Variants in PDE11A observed in about 807,000 individuals in gnomAD.
PDE11A encodes the protein dual 3',5'-cyclic-AMP and -GMP phosphodiesterase 11A.
PDE11A carries 100 observed loss-of-function variants against 100.5 expected under a neutral mutation model. The observed-to-expected ratio is 1.00, with a 90% CI of 0.85 to 1.18. PDE11A has a LOEUF of 1.18. Among genes scored for constraint, PDE11A ranks in the 50% most tolerant of loss-of-function variants. The pLI, the probability that PDE11A is intolerant of heterozygous loss-of-function variation, is 0.00. For missense variants in PDE11A, 1,141 were observed against 1,152.6 expected (o/e 0.99, Z 0.15); for synonymous variants, 381 against 420.8 (o/e 0.91, Z 1.16).
At chr2:178,026,132 G>A (rs2086475095) in intron 1 of PDE11A, among the ~76,000 whole-genome samples, 1 of 152,266 alleles carries the variant, frequency 6.6e-6, no homozygotes, top group South Asian at 2.1e-4. Context: ...CTCCAACAGA[G>A]AGCTTTGGAA....
At chr2:178,060,617 G>C (rs1343585702) in intron 1 of PDE11A, among the ~76,000 whole-genome samples, 1 of 152,140 alleles carries the variant, frequency 6.6e-6, no homozygotes, top group South Asian at 2.1e-4. Flanking sequence ...ACTGGGAATC[G>C]AATTCGGTCT....
rs10497492 is a variant in PDE11A at position 177,646,640 on chromosome 2, A to T, written c.2647-17078T>A. 6.7e-3 allele frequency among the ~76,000 whole-genome samples: 1,016 copies of T among 152,342 alleles called. 12 individuals carry two copies. Among genetic ancestry groups the T allele is most frequent in the African/African-American group, 0.023 (964 of 41,574 alleles). ...AACTGGCACACTAGTAACAATGGGT[A>T]TCTCACACCTTACTGCAGTGTTGAG... On this transcript the variant is annotated intron_variant, in intron 19 of 19. Coordinates refer to ENST00000286063, the MANE Select transcript of PDE11A (RefSeq NM_016953.4).
rs1169349710 is a variant in PDE11A at position 178,071,508 on chromosome 2, G to A, written c.912+18C>T. The A allele has an allele frequency of 1.2e-6, 2 of 1,613,032 alleles. No homozygotes were observed. Among genetic ancestry groups the A allele is most frequent in the African/African-American group, 2.7e-5 (2 of 74,888 alleles). On this transcript the variant is annotated intron_variant, in intron 1 of 19. Coordinates refer to ENST00000286063, the MANE Select transcript of PDE11A (RefSeq NM_016953.4). ...AGCCAATGGGGCTCTGGGAGAAGGG[G>A]ACAATGCAAAGTCCTACCTGGTAGG... is the stretch of plus-strand genomic sequence containing the variant.
At chr2:178,007,986 A>G (rs1384328622) in intron 2 of PDE11A, among the ~76,000 whole-genome samples, 1 of 152,200 alleles carries the variant, frequency 6.6e-6, no homozygotes, top group Non-Finnish European at 1.5e-5. Flanking sequence ...AATTACAGGC[A>G]TGAGCCATCT....
chr2:177,799,661 C>T (rs898825832), intron 9 of PDE11A, among the ~76,000 whole-genome samples: 2 of 152,094 alleles, frequency 1.3e-5, no homozygotes, highest in Non-Finnish European at 2.9e-5. Flanking sequence ...CTTAACCATG[C>T]TTTATCTCCA....
At chr2:177,825,542 T>C (rs895337878) in intron 6 of PDE11A, among the ~76,000 whole-genome samples, 3 of 152,282 alleles carry the variant, frequency 2.0e-5, no homozygotes, top group East Asian at 1.9e-4. Flanking sequence ...CATGTAACCA[T>C]ATGAAAAGGC....
intron 10 of PDE11A, among the ~76,000 whole-genome samples, chr2:177,753,235 T>G (rs2082048081): frequency 6.6e-6 from 1 of 152,232 alleles, no homozygotes; most frequent in Admixed American, 6.5e-5. Context: ...GATCCTCAGC[T>G]AGGACCGAAT....
intron 5 of PDE11A, among the ~76,000 whole-genome samples, chr2:177,840,786 G>A (rs2083479744): frequency 6.6e-6 from 1 of 152,002 alleles, no homozygotes; most frequent in South Asian, 2.1e-4. Flanking sequence ...ACCCAAGTAG[G>A]GAAAAATCAG....
chr2:177,878,220 T>C (rs958858912), intron 4 of PDE11A, among the ~76,000 whole-genome samples: 2 of 152,196 alleles, frequency 1.3e-5, no homozygotes, highest in Non-Finnish European at 2.9e-5. Context: ...GAATCACTCA[T>C]TGTGGCAAAT....
At chr2:177,981,641 A>C (rs2085883212) in intron 2 of PDE11A, among the ~76,000 whole-genome samples, 1 of 150,810 alleles carries the variant, frequency 6.6e-6, no homozygotes, top group African/African-American at 2.4e-5. Flanking sequence ...CTTTCCAAAT[A>C]AAATCACATT....
chr2:178,078,942 C>A (rs926846697), intron 2 of PDE11A, among the ~76,000 whole-genome samples: 2 of 152,058 alleles, frequency 1.3e-5, no homozygotes, highest in Admixed American at 6.5e-5. Flanking sequence ...CATTAAAGAA[C>A]AACTGACAAT....
At chr2:177,658,719 CTT>C (rs60062998) in intron 19 of PDE11A, among the ~76,000 whole-genome samples, 6,136 of 141,520 alleles carry the variant, frequency 0.043, 129 homozygotes, top group East Asian at 0.084. Flanking sequence ...TGAGTGGTGT[CTT>C]TTTTTTTTTT....
chr2:177,708,396 G>T (rs1180141788), intron 13 of PDE11A, among the ~76,000 whole-genome samples: 1 of 152,108 alleles, frequency 6.6e-6, no homozygotes, highest in African/African-American at 2.4e-5. Context: ...AAAACCAAAC[G>T]CTACATGTTC....
chr2:177,957,116 A>G (rs562754428), intron 2 of PDE11A, among the ~76,000 whole-genome samples: 16 of 152,176 alleles, frequency 1.1e-4, no homozygotes, highest in Non-Finnish European at 2.1e-4. Context: ...GGGCTGGTCC[A>G]TAGATCAGAC....
intron 1 of PDE11A, among the ~76,000 whole-genome samples, chr2:178,067,408 T>C (rs142790088): frequency 9.8e-5 from 15 of 152,342 alleles, no homozygotes; most frequent in Admixed American, 9.8e-4. Flanking sequence ...CAAATCATTC[T>C]ATGACAATAG....
chr2:177,864,680 A>C (rs1307106301), intron 5 of PDE11A, among the ~76,000 whole-genome samples: 1 of 152,202 alleles, frequency 6.6e-6, no homozygotes, highest in Non-Finnish European at 1.5e-5. Context: ...ATAAAGGGAG[A>C]TAATCAATTA....
intron 4 of PDE11A, among the ~76,000 whole-genome samples, chr2:177,888,103 C>T (rs2084470968): frequency 6.6e-6 from 1 of 152,184 alleles, no homozygotes; most frequent in Non-Finnish European, 1.5e-5. Flanking sequence ...AAATTAGATA[C>T]ATTTCAATCA....
At chr2:177,755,735 T>G (rs112812653) in intron 10 of PDE11A, among the ~76,000 whole-genome samples, 6 of 152,304 alleles carry the variant, frequency 3.9e-5, no homozygotes, top group African/African-American at 1.2e-4. Flanking sequence ...CATAGTTCCC[T>G]TCTAGAAGGG....
chr2:177,970,797 G>A (rs756035211), intron 2 of PDE11A, among the ~76,000 whole-genome samples: 11 of 152,224 alleles, frequency 7.2e-5, no homozygotes, highest in Non-Finnish European at 1.5e-4. Context: ...GAAGGTAAAA[G>A]AAGTGAATCA....
Sources: gnomAD v4.1 joint callset for allele counts (sites outside exome capture counted in the v4.1 genomes callset) on GRCh38, gnomAD v4.1.1 for gene constraint, MANE v1.5 for transcripts, NCBI Gene and HGNC (gene_info 2026-07-23, HGNC 2026-07-21) for gene names.